The following PSTPIP1 variants were observed in gnomAD, a reference collection of about 807,000 sequenced individuals.
PSTPIP1 encodes the protein proline-serine-threonine phosphatase-interacting protein 1.
A neutral mutation model predicts 69.6 loss-of-function variants in PSTPIP1; 66 were observed. The ratio of observed to expected loss-of-function variants is 0.95; its 90% CI spans 0.78 to 1.16. The LOEUF (loss-of-function observed/expected upper bound fraction) is 1.16. Among genes scored for constraint, PSTPIP1 ranks in the 50% most tolerant of loss-of-function variants. The probability of loss-of-function intolerance (pLI) is 0.00; values close to 1 mark genes in which losing one functional copy is unlikely to be tolerated. For synonymous variants in PSTPIP1, 266 were observed against 222.7 expected (o/e 1.19, Z -1.73); for missense variants, 603 against 557.4 (o/e 1.08, Z -0.82).
In PSTPIP1 at chr15:76,998,104, G is replaced by C. The variant is rs1596034779; in HGVS notation, c.36+2495G>C. On this transcript the variant is annotated intron_variant, in intron 1 of 14. Transcript: ENST00000558012. ...AATACAAAAATTAGCCAGGCGTGATGGCATGCTCCTGTAATCCCAGCTACT... is the reference window on the plus strand; with the variant it reads ...AATACAAAAATTAGCCAGGCGTGATCGCATGCTCCTGTAATCCCAGCTACT... 1.3e-5 allele frequency among the ~76,000 whole-genome samples: 2 copies of C among 152,304 alleles called. 1 individual carries two copies. Among genetic ancestry groups the C allele is most frequent in the South Asian group, 4.1e-4 (2 of 4,832 alleles).
intron 3 of PSTPIP1, 111 bp downstream of exon 3, chr15:77,018,642 T>G (rs1432671642): frequency 8.6e-7 from 1 of 1,165,368 alleles, no homozygotes; most frequent in East Asian, 2.6e-5. Context: ...AGAACCAGGG[T>G]AGGTCTGGAT....
chr15:77,026,843 G>A (rs1371310109), intron 5 of PSTPIP1, among the ~76,000 whole-genome samples: 2 of 152,360 alleles, frequency 1.3e-5, no homozygotes, highest in South Asian at 2.1e-4. Flanking sequence ...GAGGGACCCC[G>A]GCCCTGCTAT....
intron 11 of PSTPIP1, chr15:77,032,646 C>A: frequency 1.6e-6 from 1 of 615,458 alleles, no homozygotes; most frequent in South Asian, 2.0e-5. Context: ...CCACGGCCCC[C>A]ACTCCCCGCC....
At chr15:77,007,717 C>A (rs1046739377) in intron 1 of PSTPIP1, 33 of 344,948 alleles carry the variant, frequency 9.6e-5, no homozygotes, top group African/African-American at 6.5e-4. Flanking sequence ...GCCTCAGCCT[C>A]CCGAGTAGCT....
chr15:77,035,948 TACCCCAAACCCACCTGTGCC>T lies in PSTPIP1; in HGVS notation c.1119+17_1119+36del, dbSNP rs1020904045. 6.3e-7 allele frequency: 1 copy of T among 1,585,208 alleles called. No individual in the cohort carries two copies. On this transcript the variant is annotated intron_variant, in intron 14 of 14. Coordinates refer to ENST00000558012, the MANE Select transcript of PSTPIP1 (RefSeq NM_003978.5). Reference sequence around the variant, plus strand: ...TTATACAGCGCAGGTGAGGCCTCTATACCCCAAACCCACCTGTGCCACCTCCCCTGCACCTGAGAGCTCCC... The same window carrying T: ...TTATACAGCGCAGGTGAGGCCTCTATACCTCCCCTGCACCTGAGAGCTCCC...
rs1042423931 is a variant in PSTPIP1, at chr15:77,027,270, G to A, written c.355-582G>A. Among the ~76,000 whole-genome samples, 1 of 152,216 alleles carries A rather than the reference G, an allele frequency of 6.6e-6. No individual in the cohort carries two copies. Among genetic ancestry groups the A allele is most frequent in the African/African-American group, 2.4e-5 (1 of 41,460 alleles). On this transcript the variant is annotated intron_variant, in intron 5 of 14. Coordinates refer to ENST00000558012, the MANE Select transcript of PSTPIP1 (RefSeq NM_003978.5). The surrounding 1 kb of genome is among the most constrained non-coding windows in gnomAD (Gnocchi z 4.3). ...TTTGCCTTCTCTATCAGAACAGGAA[G>A]CCTGGGAGGTGAGGGGAGGCTTTGG...
intron 5 of PSTPIP1, among the ~76,000 whole-genome samples, chr15:77,026,986 CTGTG>C (rs2076294491): frequency 6.6e-6 from 1 of 152,226 alleles, no homozygotes; most frequent in Non-Finnish European, 1.5e-5. Flanking sequence ...GTGTCTGAGC[CTGTG>C]TGTGTATGTG....
At chr15:77,020,871 G>T (rs752373915) in intron 3 of PSTPIP1, among the ~76,000 whole-genome samples, 11 of 49,100 alleles carry the variant, frequency 2.2e-4, no homozygotes, top group South Asian at 7.4e-4. Context: ...ACTCCTGTGG[G>T]GGGGGGGGGT....
chr15:77,031,173 C>A lies in PSTPIP1; in HGVS notation c.643-7C>A. The A allele has an allele frequency of 6.2e-7, 1 of 1,611,346 alleles. No individual in the cohort carries two copies. The highest frequency in any genetic ancestry group is 8.5e-7 in the Non-Finnish European group (1 of 1,178,952). On this transcript the variant is annotated splice_region_variant and splice_polypyrimidine_tract_variant and intron_variant, in intron 9 of 14. Transcript: ENST00000558012. Reference sequence around the variant, plus strand: ...CTCACTGCTCACCTCCCTCCCACTGCCCCCAGGCCTTTCAGCTGCAAGAGT... The same window carrying A: ...CTCACTGCTCACCTCCCTCCCACTGACCCCAGGCCTTTCAGCTGCAAGAGT...
At chr15:77,016,701 G>C (rs539299945) in intron 1 of PSTPIP1, among the ~76,000 whole-genome samples, 6 of 151,930 alleles carry the variant, frequency 3.9e-5, no homozygotes, top group Non-Finnish European at 5.9e-5. Flanking sequence ...TTGTGGGGAG[G>C]GGGGGCACTG....
chr15:77,006,431 A>G (rs2075817180), intron 1 of PSTPIP1, among the ~76,000 whole-genome samples: 1 of 152,218 alleles, frequency 6.6e-6, no homozygotes, highest in African/African-American at 2.4e-5. Context: ...CTGTTTTGAT[A>G]TACAAAAGTT....
intron 3 of PSTPIP1, among the ~76,000 whole-genome samples, chr15:77,022,670 C>T (rs1054707895): frequency 6.6e-6 from 1 of 152,194 alleles, no homozygotes; most frequent in African/African-American, 2.4e-5. Context: ...AAGCTGGGCT[C>T]CTCCTCTCAT....
chr15:77,025,069 C>T (rs1483319982), intron 3 of PSTPIP1, among the ~76,000 whole-genome samples: 1 of 152,172 alleles, frequency 6.6e-6, no homozygotes, highest in East Asian at 1.9e-4. Context: ...GGGTTGATTG[C>T]TTTAATTTGC....
intron 1 of PSTPIP1, among the ~76,000 whole-genome samples, chr15:77,001,435 C>T (rs961558550): frequency 6.6e-6 from 1 of 152,232 alleles, no homozygotes; most frequent in African/African-American, 2.4e-5. Context: ...TGCTGGAAAC[C>T]AGAGCCTGCA....
Position 77,018,468 on chromosome 15 carries a change from A to T in PSTPIP1, c.149A>T (p.Glu50Val), listed in dbSNP as rs1258163511. The T allele has an allele frequency of 6.3e-7, 1 of 1,583,072 alleles. No individual in the cohort carries two copies. The highest frequency in any genetic ancestry group is 8.6e-7 in the Non-Finnish European group (1 of 1,164,662). The change falls in exon 3 of 15, where the codon GAG becomes GTG. Residue 50 changes from glutamate (E) to valine (V), a missense_variant. By Grantham distance (121) the Glu-to-Val change is moderately radical. Coordinates refer to ENST00000558012, the MANE Select transcript of PSTPIP1 (RefSeq NM_003978.5). ...CCTTTTTTTTGCAGGGCCCAGGCGG[A>T]GGAGCGGTACGGGAAGGAGCTGGTG... ...EELLRQRAQA[E>V]ERYGKELVQI...
At chr15:76,996,282 G>A (rs970908574) in intron 1 of PSTPIP1, among the ~76,000 whole-genome samples, 9 of 152,208 alleles carry the variant, frequency 5.9e-5, no homozygotes, top group African/African-American at 9.6e-5. Context: ...AAATAAGGGC[G>A]CCCAGCCAGT....
intron 1 of PSTPIP1, among the ~76,000 whole-genome samples, chr15:77,010,300 T>C (rs1310326076): frequency 6.6e-6 from 1 of 152,198 alleles, no homozygotes; most frequent in Admixed American, 6.5e-5. Flanking sequence ...CAGTACTAAC[T>C]TGACGGGGTT....
chr15:77,010,747 A>G (rs1568491113), intron 1 of PSTPIP1, among the ~76,000 whole-genome samples: 1 of 152,094 alleles, frequency 6.6e-6, no homozygotes. Context: ...TCCCAGGTTA[A>G]AGTGATTCTC....
chr15:77,029,633 A>C, intron 8 of PSTPIP1, 59 bp downstream of exon 8: 3 of 1,494,046 alleles, frequency 2.0e-6, no homozygotes, highest in Middle Eastern at 3.6e-4. Flanking sequence ...TACTCCCCAC[A>C]CACACCTCCT....
Sources: allele counts gnomAD v4.1 joint callset (sites outside exome capture counted in the v4.1 genomes callset), GRCh38; gene constraint gnomAD v4.1.1; non-coding constraint Gnocchi (gnomAD v3.1); transcripts MANE v1.5; gene names NCBI Gene and HGNC (gene_info 2026-07-23, HGNC 2026-07-21).